The following ERV3-1 variants were observed in gnomAD, a reference collection of about 807,000 sequenced individuals.
The protein encoded by ERV3-1 is endogenous retrovirus group 3 member 1 Env polyprotein.
In ERV3-1, 36 loss-of-function variants were observed where a neutral mutation model predicts 24.6. The ratio of observed to expected loss-of-function variants is 1.47; its 90% CI spans 1.12 to 1.94. The LOEUF (loss-of-function observed/expected upper bound fraction) is 1.94, where lower values mean the gene tolerates loss of function less well. Ranked by LOEUF, ERV3-1 falls within the 30% of genes most tolerant of loss-of-function variation. The pLI is 0.00. For missense variants in ERV3-1, 578 were observed against 330.9 expected (o/e 1.75, Z -5.79); for synonymous variants, 211 against 122.6 (o/e 1.72, Z -4.76).
In ERV3-1 at chr7:64,993,046, C is replaced by CT. The variant is rs750157465; in HGVS notation, c.-21dup. On this transcript the variant is annotated 5_prime_UTR_variant, in exon 2 of 2. Coordinates refer to ENST00000394323, the MANE Select transcript of ERV3-1 (RefSeq NM_001007253.4). ...CAGCATGGACAGAAAAGGCTTTTTC[C>CT]TGGGGGGAGAAGGCTAAGCAAAGTG... 8.3e-6 allele frequency: 6 copies of CT among 719,756 alleles called. No homozygotes were observed. The East Asian group carries it at 1.2e-4, about 15-fold the overall frequency. The allele number at this position is 719,756 out of a possible 1,614,324, so 44.6% of individuals were successfully genotyped here. A position where few individuals can be genotyped will look rare whatever the true frequency, so the allele number is the denominator to read the frequency against.
chr7:65,006,264 A>C, intron 1 of ERV3-1: 1 of 527,844 alleles, frequency 1.9e-6, no homozygotes, highest in Non-Finnish European at 3.4e-6. Context: ...ACAATCGGGG[A>C]GAGCTGCGGC....
intron 1 of ERV3-1, among the ~76,000 whole-genome samples, chr7:64,993,834 T>G (rs1191327331): frequency 6.6e-6 from 1 of 152,306 alleles, no homozygotes; most frequent in South Asian, 2.1e-4. Context: ...GTTCATGCAC[T>G]CTACTTTTCC....
At position 64,994,247 on chromosome 7, in the gene ERV3-1, C is replaced by T. The variant is rs368259532; in HGVS notation, c.-388-833G>A. Among the ~76,000 whole-genome samples the T allele has an allele frequency of 1.5e-3, 222 of 152,202 alleles. 6 individuals carry two copies. The South Asian group carries it at 0.045, about 31-fold the overall frequency. On this transcript the variant is annotated intron_variant, in intron 1 of 1. Transcript: ENST00000394323. ...AACAGCTTGGGTGATGGCAGTGAGTCGCGGCACATAGAAATGGCGTCCTAG... is the reference window on the plus strand; with the variant it reads ...AACAGCTTGGGTGATGGCAGTGAGTTGCGGCACATAGAAATGGCGTCCTAG...
chr7:64,992,325 A>T lies in ERV3-1; in HGVS notation c.702T>A (p.Tyr234Ter). ...TTTTCTTTATGATATATAGATAGAC[A>T]TAGGCTCCTGGGCCAATTTCTTCAC... ...VSGEEIGPGA[Y>*]VYLYIIKKTR... The change falls in exon 2 of 2, where the codon TAT (tyrosine) becomes TAA (stop). Residue 234 changes from tyrosine (Y) to a stop codon, truncating the protein, a stop_gained. Transcript: ENST00000394323. LOFTEE classifies it high-confidence loss of function. 1 of 766,212 alleles carries T rather than the reference A, an allele frequency of 1.3e-6. No individual in the cohort carries two copies. Among genetic ancestry groups the T allele is most frequent in the Middle Eastern group, 2.3e-4 (1 of 4,436 alleles). 47.5% of individuals were successfully genotyped at this position (766,212 alleles called of 1,614,324 possible). A position where few individuals can be genotyped will look rare whatever the true frequency, so the allele number is the denominator to read the frequency against.
At chr7:65,006,035 G>A (rs1195644694) in intron 1 of ERV3-1, 1 of 158,094 alleles carries the variant, frequency 6.3e-6, no homozygotes, top group Admixed American at 6.1e-5. Flanking sequence ...TTTTCTTCAA[G>A]CCCCTTCCAT....
intron 1 of ERV3-1, among the ~76,000 whole-genome samples, chr7:64,995,557 T>C (rs897478696): frequency 4.6e-5 from 7 of 152,130 alleles, no homozygotes; most frequent in African/African-American, 1.2e-4. Context: ...AGTGAGAAAT[T>C]TGGGATCCAG....
At position 64,991,783 on chromosome 7, in the gene ERV3-1, G is replaced by A. The variant is rs746587897; in HGVS notation, c.1244C>T (p.Ser415Phe). The A allele has an allele frequency of 3.1e-5, 24 of 766,068 alleles. No individual in the cohort carries two copies. In the East Asian group the frequency reaches 4.8e-4, roughly 15 times the overall value. 47.5% of individuals were successfully genotyped at this position (766,068 alleles called of 1,614,324 possible). A position where few individuals can be genotyped will look rare whatever the true frequency, so the allele number is the denominator to read the frequency against. Reference sequence around the variant, plus strand: ...TGGCCCACAGATCCAGTAGAGGCCAGAGGGTGCCTGCCAGGTATTTGGAGC... The same window carrying A: ...TGGCCCACAGATCCAGTAGAGGCCAAAGGGTGCCTGCCAGGTATTTGGAGC... ...LEAPNTWQAP[S>F]GLYWICGPQA... The change falls in exon 2 of 2, where the codon TCT (serine) becomes TTT (phenylalanine). Residue 415 changes from serine (S) to phenylalanine (F), a missense_variant. By Grantham distance (155) the Ser-to-Phe change is radical. Transcript: ENST00000394323.
Position 64,992,398 on chromosome 7 carries a change from G to A in ERV3-1, c.629C>T (p.Pro210Leu). The A allele has an allele frequency of 1.3e-6, 1 of 766,280 alleles. No homozygotes were observed. Among genetic ancestry groups the A allele is most frequent in the South Asian group, 1.3e-5 (1 of 74,622 alleles). 47.5% of individuals were successfully genotyped at this position (766,280 alleles called of 1,614,324 possible). Residue 210 changes from proline (P) to leucine (L), a missense_variant, in exon 2 of 2, where the codon CCC (proline) becomes CTC (leucine). Physicochemically the swap from Pro to Leu is moderately conservative, Grantham distance 98. Transcript: ENST00000394323. ...TGCTTTTAAACCTGTTGTCCATATG[G>A]GCTGATCTGGCTCTAAGATGGTAAG... ...VNLTILEPDQPIWTTGLKAPL... is the reference protein window; with the variant it reads ...VNLTILEPDQLIWTTGLKAPL...
chr7:64,998,312 G>A (rs1786448721), intron 1 of ERV3-1, among the ~76,000 whole-genome samples: 2 of 152,154 alleles, frequency 1.3e-5, no homozygotes, highest in African/African-American at 4.8e-5. Flanking sequence ...CTGCAGCCAT[G>A]CAGGTTGAGT....
At position 64,992,154 on chromosome 7, in the gene ERV3-1, T is replaced by G; in HGVS notation, c.873A>C (p.Ser291=). Residue 291 remains serine (S), a synonymous_variant, in exon 2 of 2, where the codon TCA becomes TCC. Transcript: ENST00000394323. ...ENIASSLHVA[S]CYVCGGMNMG... Reference sequence around the variant, plus strand: ...TGTTCATTCCCCCACAGACATAACATGAAGCAACGTGCAGGCTGCTGGCTA... The same window carrying G: ...TGTTCATTCCCCCACAGACATAACAGGAAGCAACGTGCAGGCTGCTGGCTA... The G allele has an allele frequency of 1.3e-6, 1 of 766,306 alleles. No individual in the cohort carries two copies. 47.5% of individuals were successfully genotyped at this position (766,306 alleles called of 1,614,324 possible).
chr7:65,006,094 A>G (rs1318923699), intron 1 of ERV3-1: 15 of 174,508 alleles, frequency 8.6e-5, no homozygotes, highest in Admixed American at 8.4e-4. Context: ...TTCTTGAATT[A>G]CTCTTTAATT....
At chr7:64,997,979 G>C (rs1406409531) in intron 1 of ERV3-1, among the ~76,000 whole-genome samples, 1 of 152,162 alleles carries the variant, frequency 6.6e-6, no homozygotes, top group Non-Finnish European at 1.5e-5. Context: ...CCACACTCTG[G>C]TGTGGCCAGG....
intron 1 of ERV3-1, among the ~76,000 whole-genome samples, chr7:64,994,100 A>G (rs2177664): frequency 1 from 152,266 of 152,298 alleles, 76,117 homozygotes; most frequent in Middle Eastern, 1. Flanking sequence ...TCCCTGCCTG[A>G]GGCAACTCTG....
At chr7:65,005,744 C>T (rs1339038015) in intron 1 of ERV3-1, among the ~76,000 whole-genome samples, 1 of 152,084 alleles carries the variant, frequency 6.6e-6, no homozygotes, top group African/African-American at 2.4e-5. Flanking sequence ...AAAATCAGTG[C>T]CCTGTGGAGT....
intron 1 of ERV3-1, among the ~76,000 whole-genome samples, chr7:64,994,298 A>G (rs1007023482): frequency 1.5e-4 from 23 of 152,074 alleles, no homozygotes; most frequent in African/African-American, 5.3e-4. Context: ...TGTTTTTCCC[A>G]CGAGTTCCAT....
Position 64,992,154 on chromosome 7 carries a change from T to A in ERV3-1, c.873A>T (p.Ser291=). The A allele has an allele frequency of 1.3e-6, 1 of 766,306 alleles. No individual in the cohort carries two copies. The highest frequency in any genetic ancestry group is 2.4e-6 in the Non-Finnish European group (1 of 417,912). The allele number at this position is 766,306 out of a possible 1,614,324, so 47.5% of individuals were successfully genotyped here. ...TGTTCATTCCCCCACAGACATAACA[T>A]GAAGCAACGTGCAGGCTGCTGGCTA... ...ENIASSLHVA[S]CYVCGGMNMG... The change falls in exon 2 of 2, where the codon TCA becomes TCT. Residue 291 remains serine, a synonymous_variant. Transcript: ENST00000394323.
In ERV3-1 at chr7:64,993,013, T is replaced by C. The variant is rs761785374; in HGVS notation, c.14A>G (p.Asn5Ser). 1 of 757,074 alleles carries C rather than the reference T, an allele frequency of 1.3e-6. No homozygotes were observed. The highest frequency in any genetic ancestry group is 1.7e-5 in the Admixed American group (1 of 58,706). The allele number at this position is 757,074 out of a possible 1,614,324, so 46.9% of individuals were successfully genotyped here. A position where few individuals can be genotyped will look rare whatever the true frequency, so the allele number is the denominator to read the frequency against. Residue 5 changes from asparagine (N) to serine (S), a missense_variant, in exon 2 of 2, where the codon AAC becomes AGC. Asn to Ser is a conservative substitution (Grantham distance 46, BLOSUM62 1). Transcript: ENST00000394323. ...CAAGAACAAAGTGATGAGTAGCATGTTCATACCCAGCATGGACAGAAAAGG... is the reference window on the plus strand; with the variant it reads ...CAAGAACAAAGTGATGAGTAGCATGCTCATACCCAGCATGGACAGAAAAGG... MLGMNMLLITLFLLL... is the reference protein window; with the variant it reads MLGMSMLLITLFLLL...
At chr7:65,006,486 C>A in intron 1 of ERV3-1, 55 bp downstream of exon 1, 2 of 1,563,888 alleles carry the variant, frequency 1.3e-6, no homozygotes, top group South Asian at 2.2e-5. Context: ...CCACTTCCCA[C>A]CAGTTCCAAC....
chr7:65,004,768 T>G (rs1324737148), intron 1 of ERV3-1: 1 of 151,948 alleles, frequency 6.6e-6, no homozygotes. Context: ...AAGTGCTCAG[T>G]GACCACCCTC....
Sources: gnomAD v4.1 joint callset for allele counts (sites outside exome capture counted in the v4.1 genomes callset) on GRCh38, gnomAD v4.1.1 for gene constraint, MANE v1.5 for transcripts, NCBI Gene and HGNC (gene_info 2026-07-23, HGNC 2026-07-21) for gene names.